SCHIP1: variants seen among roughly 807,000 people sequenced by gnomAD.
SCHIP1 encodes schwannomin interacting protein 1.
A neutral mutation model predicts 29.7 loss-of-function variants in SCHIP1; 8 were observed. That is an observed-to-expected ratio of 0.27 (90% confidence interval 0.16 to 0.49). The LOEUF is 0.49. SCHIP1 is among the 20% of genes least tolerant of loss of function. SCHIP1 has a pLI of 0.99. For synonymous variants in SCHIP1, 76 were observed against 94.9 expected (o/e 0.80, Z 1.16); for missense variants, 193 against 294.6 (o/e 0.66, Z 2.52).
the SCHIP1 span, among the ~76,000 whole-genome samples, chr3:159,810,006 C>A: frequency 2.0e-5 from 3 of 152,160 alleles, no homozygotes; most frequent in Admixed American, 6.5e-5. Context: ...AAAAATAAAC[C>A]AAAGGGATAT....
At chr3:159,375,109 C>T in the SCHIP1 span, among the ~76,000 whole-genome samples, 1 of 152,130 alleles carries the variant, frequency 6.6e-6, no homozygotes, top group Non-Finnish European at 1.5e-5. Flanking sequence ...CCAAATTACA[C>T]CCATGGCTAC....
At chr3:159,643,417 G>C in the SCHIP1 span, among the ~76,000 whole-genome samples, 4 of 152,026 alleles carry the variant, frequency 2.6e-5, no homozygotes, top group African/African-American at 7.2e-5. Context: ...ATGAGAGACA[G>C]AGTACCAACA....
At chr3:159,467,761 A>G in the SCHIP1 span, among the ~76,000 whole-genome samples, 1 of 152,124 alleles carries the variant, frequency 6.6e-6, no homozygotes, top group Non-Finnish European at 1.5e-5. Flanking sequence ...CTAACTACAC[A>G]ATTAAATTAA....
At chr3:159,290,884 CATT>C in the SCHIP1 span, among the ~76,000 whole-genome samples, 21 of 151,904 alleles carry the variant, frequency 1.4e-4, no homozygotes, top group Non-Finnish European at 8.8e-5. Flanking sequence ...AAAGCTAAAA[CATT>C]ATGTAAAATA....
chr3:159,859,591 C>A (rs1713798438), intron 1 of SCHIP1, among the ~76,000 whole-genome samples: 1 of 152,308 alleles, frequency 6.6e-6, no homozygotes, highest in Admixed American at 6.5e-5. Flanking sequence ...ATAGATTGCA[C>A]TGAAGCAAGG....
chr3:159,634,236 A>G, the SCHIP1 span, among the ~76,000 whole-genome samples: 18,150 of 152,214 alleles, frequency 0.12, 2,827 homozygotes, highest in African/African-American at 0.36. Context: ...AGAAAAAGTC[A>G]TTAAGAGTTG....
intron 1 of SCHIP1, chr3:159,853,522 C>G: frequency 1.6e-6 from 1 of 629,094 alleles, no homozygotes; most frequent in Non-Finnish European, 2.9e-6. Context: ...AGAAAGATCA[C>G]CCTTGAGGAG....
chr3:159,575,977 C>A, the SCHIP1 span, among the ~76,000 whole-genome samples: 1 of 152,102 alleles, frequency 6.6e-6, no homozygotes, highest in African/African-American at 2.4e-5. Flanking sequence ...TCTCATATTT[C>A]AATGTGTTCT....
chr3:159,535,831 G>C, the SCHIP1 span, among the ~76,000 whole-genome samples: 2 of 152,184 alleles, frequency 1.3e-5, no homozygotes, highest in Admixed American at 6.5e-5. Flanking sequence ...GTGTGTCTGT[G>C]TGTGTGTATT....
chr3:159,706,320 A>T, the SCHIP1 span, among the ~76,000 whole-genome samples: 1 of 152,092 alleles, frequency 6.6e-6, no homozygotes, highest in Admixed American at 6.6e-5. Context: ...GGTGAATGAG[A>T]ATTTTTGGCT....
chr3:159,759,247 T>C, the SCHIP1 span, among the ~76,000 whole-genome samples: 1 of 152,236 alleles, frequency 6.6e-6, no homozygotes, highest in Non-Finnish European at 1.5e-5. Flanking sequence ...CCAAAGTATC[T>C]ACACGTATAG....
At chr3:159,757,559 C>T in the SCHIP1 span, among the ~76,000 whole-genome samples, 1 of 152,190 alleles carries the variant, frequency 6.6e-6, no homozygotes, top group Admixed American at 6.5e-5. Context: ...AGACCTGGAA[C>T]TCCCTGTCAC....
chr3:159,570,274 T>C, the SCHIP1 span, among the ~76,000 whole-genome samples: 1 of 152,232 alleles, frequency 6.6e-6, no homozygotes, highest in Non-Finnish European at 1.5e-5. Flanking sequence ...TTTATGGTTT[T>C]AGGTCTAACA....
At chr3:159,726,206 T>C in the SCHIP1 span, among the ~76,000 whole-genome samples, 615 of 152,338 alleles carry the variant, frequency 4.0e-3, 6 homozygotes, top group African/African-American at 0.014. Flanking sequence ...AAATACTCAG[T>C]TTGATTTCAT....
the SCHIP1 span, among the ~76,000 whole-genome samples, chr3:159,634,330 GA>G: frequency 6.6e-6 from 1 of 151,832 alleles, no homozygotes; most frequent in African/African-American, 2.4e-5. Flanking sequence ...GTAAAAATAA[GA>G]AAAAAAGAAA....
the SCHIP1 span, among the ~76,000 whole-genome samples, chr3:159,728,130 T>C: frequency 6.6e-6 from 1 of 152,144 alleles, no homozygotes; most frequent in South Asian, 2.1e-4. Context: ...GCTGTGATTG[T>C]CTTACTAGTA....
the SCHIP1 span, among the ~76,000 whole-genome samples, chr3:159,832,597 A>G: frequency 6.6e-6 from 1 of 152,176 alleles, no homozygotes; most frequent in African/African-American, 2.4e-5. Flanking sequence ...TTCCCTTGGC[A>G]TAACTCGTGA....
At chr3:159,524,235 G>A in the SCHIP1 span, among the ~76,000 whole-genome samples, 4 of 152,308 alleles carry the variant, frequency 2.6e-5, no homozygotes, top group Middle Eastern at 0.01. Context: ...CAGATATTCT[G>A]CCATCCTCTT....
At chr3:159,277,445 A>G in the SCHIP1 span, among the ~76,000 whole-genome samples, 1 of 152,126 alleles carries the variant, frequency 6.6e-6, no homozygotes, top group Non-Finnish European at 1.5e-5. Flanking sequence ...GGACTTTAGT[A>G]TGGCTTGGAA....
Sources: gnomAD v4.1 joint callset for allele counts (sites outside exome capture counted in the v4.1 genomes callset) on GRCh38, gnomAD v4.1.1 for gene constraint, MANE v1.5 for transcripts, NCBI Gene and HGNC (gene_info 2026-07-23, HGNC 2026-07-21) for gene names.